The following LARGE1 variants were observed in gnomAD, a reference collection of about 807,000 sequenced individuals.
LARGE1 encodes xylosyl- and glucuronyltransferase LARGE1.
Under a neutral mutation model 87.6 loss-of-function variants are expected in LARGE1, and 43 were observed. The observed-to-expected ratio is 0.49, with a 90% CI of 0.38 to 0.63. LARGE1 has a LOEUF of 0.63. Among genes scored for constraint, LARGE1 ranks in the 30% least tolerant of loss-of-function variants. The pLI, the probability that LARGE1 is intolerant of heterozygous loss-of-function variation, is 0.00. For missense variants in LARGE1, 802 were observed against 1,000.2 expected (o/e 0.80, Z 2.67); for synonymous variants, 434 against 394.6 (o/e 1.10, Z -1.18).
intron 2 of LARGE1, among the ~76,000 whole-genome samples, chr22:33,661,843 G>A (rs12158217): frequency 0.013 from 1,915 of 152,060 alleles, 43 homozygotes; most frequent in African/African-American, 0.044. Flanking sequence ...TGCTGTCCTC[G>A]GGAGGGAGGG....
intron 12 of LARGE1, among the ~76,000 whole-genome samples, chr22:33,302,947 T>C (rs1457500917): frequency 1.3e-5 from 2 of 152,156 alleles, no homozygotes; most frequent in Non-Finnish European, 2.9e-5. Context: ...GCAAATCACC[T>C]CTCATGGTAC....
chr22:33,499,989 G>T (rs912061093), intron 6 of LARGE1, among the ~76,000 whole-genome samples: 16 of 152,156 alleles, frequency 1.1e-4, no homozygotes, highest in Non-Finnish European at 2.4e-4. Flanking sequence ...GGTCAGGCTG[G>T]TCTCGAACTC....
Position 33,337,738 on chromosome 22 carries a change from T to G in LARGE1, c.1195A>C (p.Asn399His), listed in dbSNP as rs371613936. 2 of 1,614,072 alleles carry G rather than the reference T, an allele frequency of 1.2e-6. No individual in the cohort carries two copies. Among genetic ancestry groups the G allele is most frequent in the Non-Finnish European group, 1.7e-6 (2 of 1,180,000 alleles). ...VKNKHVEFFRNLYLTFLEYDG... is the reference protein window; with the variant it reads ...VKNKHVEFFRHLYLTFLEYDG... ...TACTCCAGGAAGGTCAGGTAGAGGTTGCGAAAAAACTCCACATGCTTGTTC... is the reference window on the plus strand; with the variant it reads ...TACTCCAGGAAGGTCAGGTAGAGGTGGCGAAAAAACTCCACATGCTTGTTC... Residue 399 changes from asparagine to histidine, a missense_variant, in exon 10 of 15, where the codon AAC becomes CAC. Asn to His is a moderately conservative substitution (Grantham distance 68). Coordinates refer to ENST00000397394, the MANE Select transcript of LARGE1 (RefSeq NM_133642.5).
intron 7 of LARGE1, among the ~76,000 whole-genome samples, chr22:33,394,995 G>A (rs771963566): frequency 6.6e-6 from 1 of 152,054 alleles, no homozygotes; most frequent in Non-Finnish European, 1.5e-5. Flanking sequence ...GGGAGGCCAA[G>A]GCTGGCAGAT....
chr22:33,109,454 T>G, the LARGE1 span, among the ~76,000 whole-genome samples: 2 of 152,148 alleles, frequency 1.3e-5, no homozygotes, highest in East Asian at 3.8e-4. Flanking sequence ...GCCTCCTGAC[T>G]AGCTGGGACT....
intron 9 of LARGE1, among the ~76,000 whole-genome samples, chr22:33,369,548 A>C (rs1445653839): frequency 2.6e-5 from 4 of 151,960 alleles, no homozygotes; most frequent in African/African-American, 9.7e-5. Context: ...TGCCTACTTT[A>C]AATCTGGTGA....
the LARGE1 span, among the ~76,000 whole-genome samples, chr22:33,139,374 G>T: frequency 2.5e-4 from 38 of 151,990 alleles, 1 homozygote; most frequent in East Asian, 2.5e-3. Context: ...TTGCTGATTT[G>T]TCTACTCCCT....
chr22:33,263,625 T>C (rs1041333871), intron 11 of LARGE1, among the ~76,000 whole-genome samples: 27 of 152,250 alleles, frequency 1.8e-4, no homozygotes, highest in Admixed American at 6.5e-4. Context: ...GGCTGACACC[T>C]GCATTCAGCA....
At chr22:33,514,305 C>CACAT (rs397818298) in intron 6 of LARGE1, among the ~76,000 whole-genome samples, 142 of 151,866 alleles carry the variant, frequency 9.4e-4, no homozygotes, top group Admixed American at 3.5e-3. Flanking sequence ...CACACACACA[C>CACAT]GATGATGCAC....
rs867621299 is a variant in LARGE1 at position 33,882,045 on chromosome 22, G to C, written c.-83+37950C>G. On this transcript the variant is annotated intron_variant, in intron 1 of 14. Coordinates refer to ENST00000397394, the MANE Select transcript of LARGE1 (RefSeq NM_133642.5). ...GGTTTTTTTGTTTTTGTTTTTTTTT[G>C]TTTTTTTTTTTTTTTGAGACGGAGT... is the stretch of plus-strand genomic sequence containing the variant. Among the ~76,000 whole-genome samples, 13 of 130,866 alleles carry C rather than the reference G, an allele frequency of 9.9e-5. No homozygotes were observed. In the East Asian group the frequency reaches 2.1e-3, roughly 21 times the overall value. The allele number at this position is 130,866 out of a possible 152,430, so 85.9% of individuals were successfully genotyped here. A position where few individuals can be genotyped will look rare whatever the true frequency, so the allele number is the denominator to read the frequency against.
chr22:33,515,830 A>G (rs2148472119), intron 6 of LARGE1, among the ~76,000 whole-genome samples: 1 of 152,266 alleles, frequency 6.6e-6, no homozygotes, highest in African/African-American at 2.4e-5. Flanking sequence ...AGAGGTGACG[A>G]GTCCAGAGTC....
At chr22:33,863,123 G>A (rs2063980992) in intron 1 of LARGE1, among the ~76,000 whole-genome samples, 1 of 152,114 alleles carries the variant, frequency 6.6e-6, no homozygotes, top group Non-Finnish European at 1.5e-5. Flanking sequence ...TGGCACACAG[G>A]AACACGGGAG....
intron 4 of LARGE1, among the ~76,000 whole-genome samples, chr22:33,625,977 A>G (rs2079908318): frequency 6.6e-6 from 1 of 152,200 alleles, no homozygotes; most frequent in South Asian, 2.1e-4. Context: ...AAGCTGATAG[A>G]GAGACTGAAG....
At chr22:33,399,135 TC>T (rs1344946861) in intron 7 of LARGE1, among the ~76,000 whole-genome samples, 2 of 151,862 alleles carry the variant, frequency 1.3e-5, no homozygotes, top group East Asian at 3.9e-4. Flanking sequence ...TCCCTCCGCT[TC>T]CCCCCGCCCC....
At chr22:33,899,209 T>A (rs1280120182) in intron 1 of LARGE1, among the ~76,000 whole-genome samples, 2 of 152,204 alleles carry the variant, frequency 1.3e-5, no homozygotes, top group African/African-American at 4.8e-5. Flanking sequence ...ATCGCCCACC[T>A]GTGAGGCACT....
chr22:33,358,138 T>C (rs971873502), intron 9 of LARGE1, among the ~76,000 whole-genome samples: 1 of 152,172 alleles, frequency 6.6e-6, no homozygotes, highest in Non-Finnish European at 1.5e-5. Flanking sequence ...CTCCTTGAGT[T>C]TACTGGTCAC....
chr22:33,399,273 T>C (rs896099587), intron 7 of LARGE1, among the ~76,000 whole-genome samples: 23 of 152,176 alleles, frequency 1.5e-4, no homozygotes, highest in African/African-American at 4.6e-4. Flanking sequence ...GCTGATAATA[T>C]TGGCTTCCAG....
chr22:33,874,969 A>G (rs1442305003), intron 1 of LARGE1, among the ~76,000 whole-genome samples: 1 of 152,242 alleles, frequency 6.6e-6, no homozygotes, highest in African/African-American at 2.4e-5. Flanking sequence ...AAAAACGTCC[A>G]AGATGACATG....
At chr22:33,775,097 C>T (rs2085192075) in intron 1 of LARGE1, among the ~76,000 whole-genome samples, 1 of 152,206 alleles carries the variant, frequency 6.6e-6, no homozygotes, top group South Asian at 2.1e-4. Context: ...CATACTGACA[C>T]TTTCACACGG....
Sources: allele counts gnomAD v4.1 joint callset (sites outside exome capture counted in the v4.1 genomes callset), GRCh38; gene constraint gnomAD v4.1.1; transcripts MANE v1.5; gene names NCBI Gene and HGNC (gene_info 2026-07-23, HGNC 2026-07-21).